DYNC2I1: variants seen among roughly 807,000 people sequenced by gnomAD.
DYNC2I1 encodes dynein 2 intermediate chain 1.
A neutral mutation model predicts 133.4 loss-of-function variants in DYNC2I1; 89 were observed. The observed-to-expected ratio is 0.67, with a 90% CI of 0.56 to 0.80. DYNC2I1 has a LOEUF of 0.80. Among genes scored for constraint, DYNC2I1 ranks in the 30% least tolerant of loss-of-function variants. DYNC2I1 has a pLI of 0.00. For missense variants in DYNC2I1, 1,291 were observed against 1,314.5 expected (o/e 0.98, Z 0.28); for synonymous variants, 504 against 484.3 (o/e 1.04, Z -0.54).
chr7:158,908,938 G>T (rs1188862677), intron 11 of DYNC2I1, among the ~76,000 whole-genome samples: 1 of 152,186 alleles, frequency 6.6e-6, no homozygotes, highest in Non-Finnish European at 1.5e-5. Context: ...AAAAAATTAG[G>T]CTGTCAGTAA....
intron 1 of DYNC2I1, among the ~76,000 whole-genome samples, chr7:158,857,218 C>T (rs543762826): frequency 6.6e-6 from 1 of 152,312 alleles, no homozygotes; most frequent in South Asian, 2.1e-4. Context: ...ATGACCTTGG[C>T]AAACTCACTT....
chr7:158,863,346 G>A (rs961795699), intron 1 of DYNC2I1, among the ~76,000 whole-genome samples: 2 of 152,070 alleles, frequency 1.3e-5, no homozygotes, highest in African/African-American at 4.8e-5. Flanking sequence ...GTCCTGATTG[G>A]TGTGTTTACA....
At chr7:158,861,877 G>A (rs757821495) in intron 1 of DYNC2I1, among the ~76,000 whole-genome samples, 6 of 152,214 alleles carry the variant, frequency 3.9e-5, no homozygotes, top group Non-Finnish European at 7.3e-5. Flanking sequence ...CTACCAGGGA[G>A]CGTCAGTTAC....
At chr7:158,915,547 G>A (rs1848053401) in intron 14 of DYNC2I1, among the ~76,000 whole-genome samples, 1 of 151,924 alleles carries the variant, frequency 6.6e-6, no homozygotes, top group Non-Finnish European at 1.5e-5. Context: ...CGACACGGTG[G>A]TTGAGATTAA....
At chr7:158,893,735 C>T (rs369502063) in intron 8 of DYNC2I1, among the ~76,000 whole-genome samples, 33 of 151,830 alleles carry the variant, frequency 2.2e-4, no homozygotes, top group African/African-American at 3.4e-4. Context: ...CATGTCACAC[C>T]GCATATCATA....
the DYNC2I1 span, among the ~76,000 whole-genome samples, chr7:158,843,441 G>T: frequency 6.6e-6 from 1 of 152,138 alleles, no homozygotes; most frequent in Non-Finnish European, 1.5e-5. Flanking sequence ...TGTATTTTTA[G>T]TAGAGACGGG....
Position 158,879,682 on chromosome 7 carries a change from A to C in DYNC2I1, c.574-2A>C. 1 of 1,566,242 alleles carries C rather than the reference A, an allele frequency of 6.4e-7. No homozygotes were observed. The highest frequency in any genetic ancestry group is 8.6e-7 in the Non-Finnish European group (1 of 1,162,450). On this transcript the variant is annotated splice_acceptor_variant, in intron 4 of 24. Coordinates refer to ENST00000407559, the MANE Select transcript of DYNC2I1 (RefSeq NM_018051.5). LOFTEE classifies it high-confidence loss of function. ...TGTTTCTCAGCTTGTCGTGTTTTAC[A>C]GCTGCAGTACGGAGACAGCAAGGAC...
chr7:158,863,171 C>G (rs554639329), intron 1 of DYNC2I1, among the ~76,000 whole-genome samples: 1 of 151,936 alleles, frequency 6.6e-6, no homozygotes, highest in East Asian at 2.0e-4. Context: ...CTGCCCACAT[C>G]GTGGTGCGTT....
downstream of DYNC2I1, among the ~76,000 whole-genome samples, chr7:158,948,318 C>T (rs1851952366): frequency 6.6e-6 from 1 of 152,278 alleles, no homozygotes; most frequent in Non-Finnish European, 1.5e-5. Flanking sequence ...TTGCTGCACG[C>T]AGGCTGAGCG....
downstream of DYNC2I1, among the ~76,000 whole-genome samples, chr7:158,948,552 C>G (rs1277550449): frequency 6.7e-6 from 1 of 148,272 alleles, no homozygotes; most frequent in Non-Finnish European, 1.5e-5. Context: ...GTCATCGCCC[C>G]CGGGTGCTTC....
intron 22 of DYNC2I1, 35 bp from the exon 23 acceptor site, chr7:158,934,383 A>T (rs138935755): frequency 3.1e-6 from 5 of 1,596,934 alleles, no homozygotes; most frequent in African/African-American, 2.7e-5. Context: ...TGTGTAATGC[A>T]CTCGTTCAGT....
upstream of DYNC2I1, among the ~76,000 whole-genome samples, chr7:158,853,801 G>A (rs1015294125): frequency 6.6e-6 from 1 of 151,912 alleles, no homozygotes; most frequent in Non-Finnish European, 1.5e-5. Flanking sequence ...TTACAGGCAT[G>A]TACCACCACA....
chr7:158,898,120 T>G (rs1469063239), intron 8 of DYNC2I1, among the ~76,000 whole-genome samples: 1 of 152,234 alleles, frequency 6.6e-6, no homozygotes, highest in Non-Finnish European at 1.5e-5. Flanking sequence ...TAATTTCCAT[T>G]CTTTAATATT....
chr7:158,867,458 C>A (rs1842508080), intron 1 of DYNC2I1, among the ~76,000 whole-genome samples: 1 of 152,228 alleles, frequency 6.6e-6, no homozygotes, highest in Non-Finnish European at 1.5e-5. Flanking sequence ...AAAGCTCATG[C>A]TCCCCTCGGG....
At chr7:158,911,965 T>G (rs1052717809) in intron 12 of DYNC2I1, among the ~76,000 whole-genome samples, 2 of 152,186 alleles carry the variant, frequency 1.3e-5, no homozygotes, top group African/African-American at 2.4e-5. Flanking sequence ...TGAAGCTTTA[T>G]GCTGTGCAAA....
At chr7:158,841,875 G>C in the DYNC2I1 span, among the ~76,000 whole-genome samples, 1 of 152,186 alleles carries the variant, frequency 6.6e-6, no homozygotes, top group Non-Finnish European at 1.5e-5. Context: ...TGCTGGAGTG[G>C]GGAAGAATGG....
intron 11 of DYNC2I1, 129 bp from the exon 12 acceptor site, chr7:158,911,421 C>T: frequency 2.0e-6 from 2 of 993,548 alleles, no homozygotes; most frequent in Non-Finnish European, 2.9e-6. Flanking sequence ...ATCTCAGACT[C>T]ACCCCAGCCT....
intron 1 of DYNC2I1, among the ~76,000 whole-genome samples, chr7:158,864,371 A>C (rs1366991047): frequency 6.6e-6 from 1 of 152,118 alleles, no homozygotes; most frequent in Non-Finnish European, 1.5e-5. Flanking sequence ...CTCAGGCTGG[A>C]GAGTGCCTTT....
At chr7:158,902,635 G>C (rs1406433493) in intron 10 of DYNC2I1, 40 bp downstream of exon 10, 2 of 1,590,250 alleles carry the variant, frequency 1.3e-6, no homozygotes, top group East Asian at 2.2e-5. Flanking sequence ...CGTGCTCTTA[G>C]GGCTCTGTGT....
Sources: allele counts gnomAD v4.1 joint callset (sites outside exome capture counted in the v4.1 genomes callset), GRCh38; gene constraint gnomAD v4.1.1; transcripts MANE v1.5; gene names NCBI Gene and HGNC (gene_info 2026-07-23, HGNC 2026-07-21).